Variants in GLT8D1 observed in about 807,000 individuals in gnomAD.
GLT8D1 encodes the protein glycosyltransferase 8 domain containing 1.
In GLT8D1, 41 loss-of-function variants were observed where a neutral mutation model predicts 46.2. The observed-to-expected ratio is 0.89, with a 90% CI of 0.69 to 1.15. GLT8D1 has a LOEUF of 1.15. Among genes scored for constraint, GLT8D1 ranks in the 50% most tolerant of loss-of-function variants. The probability of loss-of-function intolerance (pLI) is 0.00; values close to 1 mark genes in which losing one functional copy is unlikely to be tolerated. For synonymous variants in GLT8D1, 150 were observed against 154.2 expected, an observed-to-expected ratio of 0.97 and a Z score of 0.20; for missense variants, 408 against 449.3, an observed-to-expected ratio of 0.91 and a Z score of 0.83.
rs1281138296 is a variant in GLT8D1, at chr3:52,696,574, C to T, written c.415G>A (p.Glu139Lys). ...DPKLLEGKVKEDPDQGESMKP... is the reference protein window; with the variant it reads ...DPKLLEGKVKKDPDQGESMKP... ...ATGGATTCCCCCTGGTCAGGATCCT[C>T]CTTTACTTTTCCTTCCAAAAGTTTA... is the stretch of plus-strand genomic sequence containing the variant. Residue 139 changes from glutamate (E) to lysine (K), a missense_variant, in exon 5 of 10, where the codon GAG (glutamate) becomes AAG (lysine). Transcript: ENST00000266014. 6.2e-7 allele frequency: 1 copy of T among 1,601,374 alleles called. No individual in the cohort carries two copies. Among genetic ancestry groups the T allele is most frequent in the East Asian group, 2.2e-5 (1 of 44,824 alleles).
At chr3:52,700,233 T>C (rs369893637) in intron 3 of GLT8D1, 29 bp downstream of exon 3, 6 of 1,381,934 alleles carry the variant, frequency 4.3e-6, no homozygotes, top group East Asian at 4.6e-5. Context: ...CAACAGATTC[T>C]AAGGCATTAT....
chr3:52,696,100 C>T (rs992053356), intron 6 of GLT8D1, 60 bp from the exon 7 acceptor site: 1 of 1,190,764 alleles, frequency 8.4e-7, no homozygotes, highest in Non-Finnish European at 1.3e-6. Context: ...CCCTGTTACT[C>T]CCACTTCTCC....
At position 52,705,760 on chromosome 3, in the gene GLT8D1, A is replaced by G; in HGVS notation, c.-350T>C. On this transcript the variant is annotated 5_prime_UTR_variant, in exon 1 of 10. Coordinates refer to ENST00000266014, the MANE Select transcript of GLT8D1 (RefSeq NM_018446.4). Reference sequence around the variant, plus strand: ...TACGCCCAGCCAGCCCGCAGCGGTAACCGCTAGAGCGTCGCGCCAAGCAGG... The same window carrying G: ...TACGCCCAGCCAGCCCGCAGCGGTAGCCGCTAGAGCGTCGCGCCAAGCAGG... The G allele has an allele frequency of 9.3e-7, 1 of 1,072,986 alleles. No homozygotes were observed. The highest frequency in any genetic ancestry group is 1.2e-6 in the Non-Finnish European group (1 of 838,290). 66.5% of individuals were successfully genotyped at this position (1,072,986 alleles called of 1,614,324 possible). A position where few individuals can be genotyped will look rare whatever the true frequency, so the allele number is the denominator to read the frequency against.
rs1308352257 is a variant in GLT8D1 at position 52,695,966 on chromosome 3, C to CTGAA, written c.603_606dup (p.Ala203PhefsTer5). On this transcript the variant is annotated frameshift_variant, in exon 7 of 10. Transcript: ENST00000266014. LOFTEE classifies it high-confidence loss of function. ...CCACGGATGACAACTTTAGTAGAGG[C>CTGAA]TGAATCACAATCTTCTGAAAATGCA... 7 of 1,612,234 alleles carry CTGAA rather than the reference C, an allele frequency of 4.3e-6. No individual in the cohort carries two copies. In the African/African-American group the frequency reaches 8.0e-5, roughly 18 times the overall value.
intron 1 of GLT8D1, 108 bp from the exon 2 acceptor site, chr3:52,700,604 A>G (rs959157572): frequency 3.6e-6 from 2 of 551,984 alleles, no homozygotes; most frequent in Admixed American, 3.1e-5. Flanking sequence ...CAAGAGGCAT[A>G]TACAGTATTC....
chr3:52,699,884 T>C (rs1241417620), intron 3 of GLT8D1, among the ~76,000 whole-genome samples: 1 of 152,322 alleles, frequency 6.6e-6, no homozygotes, highest in Non-Finnish European at 1.5e-5. Context: ...TTCAATATAC[T>C]GTGCGATATA....
intron 7 of GLT8D1, 144 bp from the exon 8 acceptor site, chr3:52,695,731 A>AGAT: frequency 3.1e-6 from 2 of 643,756 alleles, no homozygotes; most frequent in Non-Finnish European, 5.5e-6. Flanking sequence ...ATAGGAACCT[A>AGAT]GATGTTGACA....
At chr3:52,698,325 A>G (rs1218852220) in intron 3 of GLT8D1, among the ~76,000 whole-genome samples, 1 of 152,240 alleles carries the variant, frequency 6.6e-6, no homozygotes, top group East Asian at 1.9e-4. Context: ...ACAAGTAGGC[A>G]TGAAACCAAT....
In GLT8D1 at chr3:52,695,483, C is replaced by G; in HGVS notation, c.750G>C (p.Leu250=). 6.2e-7 allele frequency: 1 copy of G among 1,613,746 alleles called. No individual in the cohort carries two copies. Among genetic ancestry groups the G allele is most frequent in the Non-Finnish European group, 8.5e-7 (1 of 1,179,662 alleles). The stretch of plus-strand genomic sequence containing the variant: ...TTATATTCTGTCGTTTCCATTCCGT[C>G]AGGTTTGCAACAAAAACTCCAGGAT... ...SFNPGVFVAN[L]TEWKRQNITN... is the part of the protein sequence containing the mutation. Residue 250 remains leucine (L), a synonymous_variant, in exon 8 of 10, where the codon CTG becomes CTC. Coordinates refer to ENST00000266014, the MANE Select transcript of GLT8D1 (RefSeq NM_018446.4).
rs983900275 is a variant in GLT8D1 at position 52,695,727 on chromosome 3, A to G, written c.646-140T>C. The G allele has an allele frequency of 1.1e-5, 7 of 647,748 alleles. No individual in the cohort carries two copies. In the African/African-American group the frequency reaches 1.3e-4, roughly 12 times the overall value. 40.1% of individuals were successfully genotyped at this position (647,748 alleles called of 1,614,324 possible). A position where few individuals can be genotyped will look rare whatever the true frequency, so the allele number is the denominator to read the frequency against. ...TTTGAAATTCCAAGTTAGAATAGGA[A>G]CCTAGATGTTGACATAATAAACCAG... On this transcript the variant is annotated intron_variant, in intron 7 of 9. Coordinates refer to ENST00000266014, the MANE Select transcript of GLT8D1 (RefSeq NM_018446.4).
chr3:52,697,386 A>C (rs2097334804), intron 4 of GLT8D1: 1 of 337,638 alleles, frequency 3.0e-6, no homozygotes, highest in Non-Finnish European at 5.7e-6. Flanking sequence ...TGCTCCGAGC[A>C]TGTCCATGAA....
intron 1 of GLT8D1, 69 bp from the exon 2 acceptor site, chr3:52,700,565 T>C (rs1578592565): frequency 7.8e-5 from 11 of 140,284 alleles, no homozygotes; most frequent in Admixed American, 1.5e-4. Context: ...GCCCTAACAC[T>C]TTTTTTTTTT....
rs1391043718 is a variant in GLT8D1, at chr3:52,695,306, G to C, written c.813-4C>G. The C allele has an allele frequency of 2.5e-6, 4 of 1,597,362 alleles. No homozygotes were observed. The highest frequency in any genetic ancestry group is 3.3e-4 in the Middle Eastern group (2 of 6,014). The stretch of plus-strand genomic sequence containing the variant: ...GGTTCTGCTATACAGTCCCTCTCTT[G>C]GTGGGACAGAAAACAAATGTTTGTT... On this transcript the variant is annotated splice_polypyrimidine_tract_variant and splice_region_variant and intron_variant, in intron 8 of 9. Transcript: ENST00000266014.
chr3:52,696,699 G>A (rs1197584601), intron 4 of GLT8D1, 40 bp from the exon 5 acceptor site: 1 of 1,102,966 alleles, frequency 9.1e-7, no homozygotes, highest in Non-Finnish European at 1.4e-6. Flanking sequence ...TTCAAATAAT[G>A]TCTCCAAACC....
Position 52,695,045 on chromosome 3 carries a change from G to GAGAC in GLT8D1, c.926-14_926-11dup, listed in dbSNP as rs766630082. 5 of 1,601,250 alleles carry GAGAC rather than the reference G, an allele frequency of 3.1e-6. No individual in the cohort carries two copies. In the South Asian group the frequency reaches 4.4e-5, roughly 14 times the overall value. ...TTTCCAGCACTGGAACCTTACATTT[G>GAGAC]AGACAAAAATAGCCACATCGTTGCG... On this transcript the variant is annotated splice_polypyrimidine_tract_variant and intron_variant, in intron 9 of 9. Transcript: ENST00000266014.
At position 52,694,740 on chromosome 3, in the gene GLT8D1, A is replaced by G. The variant is rs1035076195; in HGVS notation, c.*105T>C. On this transcript the variant is annotated 3_prime_UTR_variant, in exon 10 of 10. Transcript: ENST00000266014. ...TTACCTAGCTGACACATCTTTTTCC[A>G]TGGCTTGCTACCGATAGGCATTGAA... is the stretch of plus-strand genomic sequence containing the variant. 1 of 803,886 alleles carries G rather than the reference A, an allele frequency of 1.2e-6. No homozygotes were observed. The highest frequency in any genetic ancestry group is 2.2e-6 in the Non-Finnish European group (1 of 463,554). 49.8% of individuals were successfully genotyped at this position (803,886 alleles called of 1,614,324 possible). A position where few individuals can be genotyped will look rare whatever the true frequency, so the allele number is the denominator to read the frequency against.
intron 1 of GLT8D1, among the ~76,000 whole-genome samples, chr3:52,700,951 G>T (rs983735937): frequency 6.6e-6 from 1 of 152,080 alleles, no homozygotes; most frequent in African/African-American, 2.4e-5. Flanking sequence ...TGTAATCCCA[G>T]CTGCTCAGGA....
chr3:52,701,627 A>G (rs1180372417), intron 1 of GLT8D1, among the ~76,000 whole-genome samples: 2 of 152,110 alleles, frequency 1.3e-5, no homozygotes, highest in African/African-American at 4.8e-5. Flanking sequence ...TCAGCCTCCC[A>G]AAGTGCTGAG....
In GLT8D1 at chr3:52,695,516, G is replaced by A; in HGVS notation, c.717C>T (p.Cys239=). 6.2e-7 allele frequency: 1 copy of A among 1,610,282 alleles called. No homozygotes were observed. The highest frequency in any genetic ancestry group is 8.5e-7 in the Non-Finnish European group (1 of 1,176,490). Residue 239 remains cysteine, a synonymous_variant, in exon 8 of 10, where the codon TGC becomes TGT. Transcript: ENST00000266014. The stretch of plus-strand genomic sequence containing the variant: ...CAACAAAAACTCCAGGATTAAATGA[G>A]CAAGTGCTGGCTTTCATGGAAAGCT... ...IRKLSMKAST[C]SFNPGVFVAN...
Sources: gnomAD v4.1 joint callset for allele counts (sites outside exome capture counted in the v4.1 genomes callset) on GRCh38, gnomAD v4.1.1 for gene constraint, MANE v1.5 for transcripts, NCBI Gene and HGNC (gene_info 2026-07-23, HGNC 2026-07-21) for gene names.